Variants in NFIA observed in about 807,000 individuals in gnomAD.
NFIA encodes nuclear factor I A.
A neutral mutation model predicts 62.8 loss-of-function variants in NFIA; 8 were observed. That is an observed-to-expected ratio of 0.13 (90% CI 0.07 to 0.23). NFIA has a LOEUF of 0.23. NFIA is among the 10% of genes least tolerant of loss of function. The probability of loss-of-function intolerance (pLI) is 1.00; values close to 1 mark genes in which losing one functional copy is unlikely to be tolerated. For synonymous variants in NFIA, 235 were observed against 238.1 expected (o/e 0.99, Z 0.12); for missense variants, 410 against 642.1 (o/e 0.64, Z 3.91).
chr1:61,359,386 T>A, intron 6 of NFIA, 112 bp downstream of exon 6: 1 of 1,462,504 alleles, frequency 6.8e-7, no homozygotes, highest in Non-Finnish European at 9.3e-7. Flanking sequence ...TAGTTCACTT[T>A]TTCAGGATGA....
intron 2 of NFIA, among the ~76,000 whole-genome samples, chr1:61,262,968 C>A (rs1313743768): frequency 6.6e-6 from 1 of 152,148 alleles, no homozygotes; most frequent in Non-Finnish European, 1.5e-5. Context: ...ACCTTTAATT[C>A]TTGAATAAAC....
chr1:61,274,626 C>T (rs1238925101), intron 2 of NFIA, among the ~76,000 whole-genome samples: 3 of 152,046 alleles, frequency 2.0e-5, no homozygotes, highest in Admixed American at 1.3e-4. Context: ...GATATTTGTC[C>T]GAAAGAGTAA....
intron 2 of NFIA, among the ~76,000 whole-genome samples, chr1:61,137,061 T>A (rs1647208172): frequency 6.6e-6 from 1 of 152,210 alleles, no homozygotes; most frequent in Admixed American, 6.5e-5. Context: ...AATTGGATTA[T>A]GAATGTAAAT....
intron 2 of NFIA, among the ~76,000 whole-genome samples, chr1:61,166,823 C>G (rs1376490164): frequency 6.6e-6 from 1 of 152,140 alleles, no homozygotes; most frequent in African/African-American, 2.4e-5. Context: ...ATATAGTGTT[C>G]TTGTACTTAA....
intron 2 of NFIA, among the ~76,000 whole-genome samples, chr1:61,209,667 T>TTCA (rs1553161727): frequency 5.4e-5 from 8 of 147,988 alleles, no homozygotes; most frequent in African/African-American, 2.0e-4. Context: ...CTATGAAAAA[T>TTCA]ACAACAACAA....
At chr1:61,345,635 G>A (rs185065210) in intron 4 of NFIA, among the ~76,000 whole-genome samples, 1 of 152,262 alleles carries the variant, frequency 6.6e-6, no homozygotes, top group Non-Finnish European at 1.5e-5. Flanking sequence ...CAGATCAGTG[G>A]TAGCATTAGA....
At position 61,326,680 on chromosome 1, in the gene NFIA, A is replaced by G. The variant is rs117360591; in HGVS notation, c.626-5832A>G. ...AGGTCCCAGGTGAGAAATATAGAGT[A>G]TAACTGGTCAGTATTCAGAAGGGAG... On this transcript the variant is annotated intron_variant, in intron 3 of 10. Coordinates refer to ENST00000403491, the MANE Select transcript of NFIA (RefSeq NM_001134673.4). 2.0e-5 allele frequency among the ~76,000 whole-genome samples: 3 copies of G among 152,324 alleles called. No individual in the cohort carries two copies. In the East Asian group the frequency reaches 5.8e-4, roughly 29 times the overall value.
chr1:61,089,821 C>T (rs1479559663), intron 2 of NFIA, among the ~76,000 whole-genome samples: 1 of 148,886 alleles, frequency 6.7e-6, no homozygotes, highest in Non-Finnish European at 1.5e-5. Flanking sequence ...AGCCTGTTCT[C>T]TATTATTTTT....
rs1491340186 is a variant in NFIA at position 61,462,025 on chromosome 1, T to TTG, written c.*6706_*6707insGT. The TTG allele has an allele frequency of 2.3e-4, 10 of 43,306 alleles. No individual in the cohort carries two copies. Among genetic ancestry groups the TTG allele is most frequent in the African/African-American group, 1.5e-3 (9 of 5,844 alleles). 2.7% of individuals were successfully genotyped at this position (43,306 alleles called of 1,614,324 possible). ...TAGTCTGTAAGTTAGCCTTTTTGGG[T>TTG]TTTTTTTTTTTTTTTTTGGCTTTTT... On this transcript the variant is annotated 3_prime_UTR_variant, in exon 11 of 11. Coordinates refer to ENST00000403491, the MANE Select transcript of NFIA (RefSeq NM_001134673.4).
intron 2 of NFIA, among the ~76,000 whole-genome samples, chr1:61,275,869 G>A (rs1657775766): frequency 6.6e-6 from 1 of 151,924 alleles, no homozygotes; most frequent in Non-Finnish European, 1.5e-5. Context: ...TTTTTTAATT[G>A]TTTGTGATAT....
At chr1:61,298,023 A>G (rs906861615) in intron 3 of NFIA, among the ~76,000 whole-genome samples, 3 of 152,140 alleles carry the variant, frequency 2.0e-5, no homozygotes, top group Non-Finnish European at 4.4e-5. Flanking sequence ...GCTTTTGTAT[A>G]ACTGATACGG....
chr1:61,087,227 T>C (rs1646233919), intron 1 of NFIA, among the ~76,000 whole-genome samples: 1 of 152,154 alleles, frequency 6.6e-6, no homozygotes, highest in South Asian at 2.1e-4. Context: ...TTGTAAATAT[T>C]GAAAATACCA....
chr1:61,123,477 A>G (rs185147323), intron 2 of NFIA, among the ~76,000 whole-genome samples: 14 of 152,364 alleles, frequency 9.2e-5, no homozygotes, highest in Middle Eastern at 6.8e-3. Flanking sequence ...GCATAATTCT[A>G]AAACAAAAGT....
At chr1:61,266,048 A>G (rs1337693567) in intron 2 of NFIA, among the ~76,000 whole-genome samples, 1 of 152,252 alleles carries the variant, frequency 6.6e-6, no homozygotes, top group Non-Finnish European at 1.5e-5. Context: ...CAACAGCTCA[A>G]TTGCTAGTGA....
At chr1:61,228,371 G>T (rs1654461233) in intron 2 of NFIA, among the ~76,000 whole-genome samples, 2 of 152,200 alleles carry the variant, frequency 1.3e-5, no homozygotes, top group Admixed American at 1.3e-4. Flanking sequence ...TGGGGGAAGT[G>T]TCCCAGCGGG....
intron 4 of NFIA, among the ~76,000 whole-genome samples, chr1:61,332,863 A>C (rs1297852804): frequency 1.3e-5 from 2 of 152,126 alleles, no homozygotes; most frequent in African/African-American, 4.8e-5. Context: ...TTTTAAAAGA[A>C]TTTGTTTTTG....
intron 7 of NFIA, among the ~76,000 whole-genome samples, chr1:61,387,126 A>AT (rs1557749008): frequency 6.6e-6 from 1 of 152,178 alleles, no homozygotes. Flanking sequence ...GGCCACAGAC[A>AT]TTCAGCCTAT....
At chr1:61,198,126 A>G (rs927054547) in intron 2 of NFIA, among the ~76,000 whole-genome samples, 2 of 152,284 alleles carry the variant, frequency 1.3e-5, no homozygotes, top group Middle Eastern at 3.4e-3. Context: ...TCATTAACCC[A>G]TTTTAAGACA....
At position 61,461,814 on chromosome 1, in the gene NFIA, A is replaced by AC. The variant is rs1316344389; in HGVS notation, c.*6497dup. ...CCAGAGCACCTTCATGGTGGAAGAC[A>AC]CCCACCAGGTCATACAATGTGAACT... On this transcript the variant is annotated 3_prime_UTR_variant, in exon 11 of 11. Transcript: ENST00000403491. 11 of 152,180 alleles carry AC rather than the reference A, an allele frequency of 7.2e-5. No individual in the cohort carries two copies. Among genetic ancestry groups the AC allele is most frequent in the Non-Finnish European group, 7.3e-5 (5 of 68,038 alleles). 9.4% of individuals were successfully genotyped at this position (152,180 alleles called of 1,614,324 possible).
Sources: gnomAD v4.1 joint callset for allele counts (sites outside exome capture counted in the v4.1 genomes callset) on GRCh38, gnomAD v4.1.1 for gene constraint, MANE v1.5 for transcripts, NCBI Gene and HGNC (gene_info 2026-07-23, HGNC 2026-07-21) for gene names.